Variants in ADAM22 observed in about 807,000 individuals in gnomAD.
ADAM22 encodes the protein disintegrin and metalloproteinase domain-containing protein 22.
Under a neutral mutation model 144.6 loss-of-function variants are expected in ADAM22, and 65 were observed. The observed-to-expected ratio is 0.45, with a 90% CI of 0.37 to 0.55. ADAM22 has a LOEUF of 0.55. Among genes scored for constraint, ADAM22 ranks in the 20% least tolerant of loss-of-function variants. ADAM22 has a pLI of 0.00. For missense variants in ADAM22, 974 were observed against 1,184.9 expected, an observed-to-expected ratio of 0.82 and a Z score of 2.61; for synonymous variants, 391 against 412.6, an observed-to-expected ratio of 0.95 and a Z score of 0.63.
At chr7:88,121,112 G>T (rs907808469) in intron 7 of ADAM22, among the ~76,000 whole-genome samples, 1 of 151,894 alleles carries the variant, frequency 6.6e-6, no homozygotes, top group Non-Finnish European at 1.5e-5. Context: ...ATTTTATTTG[G>T]CTACCCTTAT....
At chr7:88,130,131 A>AT (rs35644138) in intron 9 of ADAM22, among the ~76,000 whole-genome samples, 22 of 151,762 alleles carry the variant, frequency 1.4e-4, no homozygotes, top group African/African-American at 5.3e-4. Flanking sequence ...TGGATTGGGT[A>AT]TTTTTTACTT....
intron 4 of ADAM22, among the ~76,000 whole-genome samples, chr7:88,078,024 T>G (rs1324589117): frequency 6.6e-6 from 1 of 152,210 alleles, no homozygotes; most frequent in Non-Finnish European, 1.5e-5. Flanking sequence ...GCTTAAGATC[T>G]GAGAACGGGC....
At chr7:88,008,157 C>G (rs1199198559) in intron 3 of ADAM22, among the ~76,000 whole-genome samples, 2 of 151,456 alleles carry the variant, frequency 1.3e-5, no homozygotes, top group African/African-American at 2.4e-5. Context: ...AAATGCTCAT[C>G]ATCACTGGCC....
chr7:88,116,435 T>TA (rs533027232), intron 6 of ADAM22, among the ~76,000 whole-genome samples: 54 of 152,292 alleles, frequency 3.5e-4, no homozygotes, highest in African/African-American at 1.3e-3. Context: ...GAATCAGTAA[T>TA]AAAAAAACAT....
At chr7:88,171,702 T>C (rs904814974) in intron 26 of ADAM22, 141 bp downstream of exon 26, 2 of 617,462 alleles carry the variant, frequency 3.2e-6, no homozygotes, top group Non-Finnish European at 5.1e-6. Context: ...TTTCATTATC[T>C]TGAGGTAATT....
At chr7:88,093,309 C>A (rs951433017) in intron 4 of ADAM22, among the ~76,000 whole-genome samples, 43 of 151,560 alleles carry the variant, frequency 2.8e-4, no homozygotes, top group African/African-American at 9.4e-4. Flanking sequence ...ACAAATTATT[C>A]CCTTGGTGTT....
intron 1 of ADAM22, 107 bp downstream of exon 1, chr7:87,934,657 GAGA>G: frequency 2.0e-6 from 2 of 1,019,416 alleles, no homozygotes; most frequent in South Asian, 1.7e-5. Context: ...AGTGCGCGGG[GAGA>G]TTTTTTTTTT....
chr7:88,076,047 T>C (rs1814377428), intron 4 of ADAM22, among the ~76,000 whole-genome samples: 1 of 152,174 alleles, frequency 6.6e-6, no homozygotes, highest in Non-Finnish European at 1.5e-5. Flanking sequence ...AAAGTCTCGC[T>C]CTTGTCGCCC....
Position 88,196,840 on chromosome 7 carries a change from G to C in ADAM22, c.*349G>C. The C allele has an allele frequency of 3.5e-6, 1 of 281,876 alleles. No homozygotes were observed. Among genetic ancestry groups the C allele is most frequent in the South Asian group, 4.9e-5 (1 of 20,398 alleles). The allele number at this position is 281,876 out of a possible 1,614,324, so 17.5% of individuals were successfully genotyped here. On this transcript the variant is annotated 3_prime_UTR_variant, in exon 32 of 32. Coordinates refer to ENST00000413139, the MANE Select transcript of ADAM22 (RefSeq NM_001324418.2). ...GTAGCAAGTTTCCTAAGGTACAATAGTGGATTCAGAACTTGACGTTCTGAG... is the reference window on the plus strand; with the variant it reads ...GTAGCAAGTTTCCTAAGGTACAATACTGGATTCAGAACTTGACGTTCTGAG...
intron 26 of ADAM22, among the ~76,000 whole-genome samples, chr7:88,178,160 G>A: frequency 6.6e-6 from 1 of 152,110 alleles, no homozygotes; most frequent in East Asian, 1.9e-4. Flanking sequence ...TAACAGTGCA[G>A]ATTAAATACA....
chr7:88,118,333 C>G (rs1171024673), intron 7 of ADAM22, among the ~76,000 whole-genome samples: 1 of 152,206 alleles, frequency 6.6e-6, no homozygotes, highest in Non-Finnish European at 1.5e-5. Context: ...AACATTCTCT[C>G]CCCTTCTCTC....
chr7:88,128,155 G>GAAAT (rs573011862), intron 8 of ADAM22, among the ~76,000 whole-genome samples: 293 of 152,094 alleles, frequency 1.9e-3, no homozygotes, highest in African/African-American at 6.6e-3. Flanking sequence ...CAGAGGACCT[G>GAAAT]AAATTAAACC....
Position 87,934,262 on chromosome 7 carries a change from C to T in ADAM22, c.-204C>T, listed in dbSNP as rs908084271. The T allele has an allele frequency of 8.5e-5, 43 of 506,454 alleles. No homozygotes were observed. The highest frequency in any genetic ancestry group is 6.4e-4 in the African/African-American group (31 of 48,760). The allele number at this position is 506,454 out of a possible 1,614,324, so 31.4% of individuals were successfully genotyped here. A position where few individuals can be genotyped will look rare whatever the true frequency, so the allele number is the denominator to read the frequency against. On this transcript the variant is annotated 5_prime_UTR_variant, in exon 1 of 32. Transcript: ENST00000413139. ...CCGCCCAATGCAGCACTCGCTCGCT[C>T]CCCCCGCCAGCGGAAGCGTCCGCGA...
intron 4 of ADAM22, among the ~76,000 whole-genome samples, chr7:88,097,799 TCA>T (rs1202921833): frequency 2.6e-5 from 4 of 152,166 alleles, no homozygotes; most frequent in Non-Finnish European, 5.9e-5. Context: ...TTTAGGTAAT[TCA>T]CAGTCTTTAT....
At position 88,087,767 on chromosome 7, in the gene ADAM22, C is replaced by G. The variant is rs112480412; in HGVS notation, c.390+12075C>G. Among the ~76,000 whole-genome samples the G allele has an allele frequency of 5.3e-5, 8 of 152,200 alleles. 1 individual carries two copies. Among genetic ancestry groups the G allele is most frequent in the African/African-American group, 1.9e-4 (8 of 41,526 alleles). ...CTATGTGTATTAGCTCAAGTTATTT[C>G]TAAACTACTGTATATGAGCATTCCC... On this transcript the variant is annotated intron_variant, in intron 4 of 31. Transcript: ENST00000413139.
chr7:87,951,024 C>A (rs888407580), intron 2 of ADAM22, among the ~76,000 whole-genome samples: 1 of 151,912 alleles, frequency 6.6e-6, no homozygotes. Flanking sequence ...ATTTCATTGT[C>A]GAGTCTAGAT....
intron 3 of ADAM22, among the ~76,000 whole-genome samples, chr7:88,024,631 A>G (rs1180828099): frequency 6.6e-6 from 1 of 151,924 alleles, no homozygotes; most frequent in Non-Finnish European, 1.5e-5. Flanking sequence ...TACATACGCC[A>G]TGTTGGTGTG....
chr7:88,052,664 T>C (rs563729719), intron 3 of ADAM22, among the ~76,000 whole-genome samples: 52 of 152,332 alleles, frequency 3.4e-4, no homozygotes, highest in Non-Finnish European at 6.0e-4. Flanking sequence ...AAGCTGCACG[T>C]GATAGTTTCC....
intron 3 of ADAM22, among the ~76,000 whole-genome samples, chr7:88,018,517 AAAG>A (rs1755153555): frequency 6.6e-6 from 1 of 152,234 alleles, no homozygotes; most frequent in African/African-American, 2.4e-5. Context: ...TATAAAAAAC[AAAG>A]AAGCCAAATC....
Sources: allele counts gnomAD v4.1 joint callset (sites outside exome capture counted in the v4.1 genomes callset), GRCh38; gene constraint gnomAD v4.1.1; transcripts MANE v1.5; gene names NCBI Gene and HGNC (gene_info 2026-07-23, HGNC 2026-07-21).